The following RABGAP1L variants were observed in gnomAD, a reference collection of about 807,000 sequenced individuals.
RABGAP1L encodes the protein RAB GTPase activating protein 1 like, also known as rab GTPase-activating protein 1-like.
A neutral mutation model predicts 137.7 loss-of-function variants in RABGAP1L; 63 were observed. The ratio of observed to expected loss-of-function variants is 0.46; its 90% CI spans 0.37 to 0.56. The LOEUF is 0.56. Among genes scored for constraint, RABGAP1L ranks in the 20% least tolerant of loss-of-function variants. The pLI is 0.00. For missense variants in RABGAP1L, 1,095 were observed against 1,244.0 expected (o/e 0.88, Z 1.80); for synonymous variants, 431 against 433.7 (o/e 0.99, Z 0.08).
intron 19 of RABGAP1L, among the ~76,000 whole-genome samples, chr1:174,887,713 ACAAAGGAAAT>A (rs1655405947): frequency 6.6e-6 from 1 of 152,118 alleles, no homozygotes; most frequent in Admixed American, 6.6e-5. Context: ...AGATAAGACT[ACAAAGGAAAT>A]CAATTGTATT....
intron 19 of RABGAP1L, among the ~76,000 whole-genome samples, chr1:174,944,115 A>G (rs1350292950): frequency 6.6e-6 from 1 of 151,816 alleles, no homozygotes; most frequent in Non-Finnish European, 1.5e-5. Flanking sequence ...TACTAAAAGT[A>G]TAAAAAAATT....
rs148901840 is a variant in RABGAP1L, at chr1:174,937,619, A to AATATATATATATATATATATAT, written c.2341-19822_2341-19821insATATATATATATATATATATAT. Among the ~76,000 whole-genome samples the AATATATATATATATATATATAT allele has an allele frequency of 2.8e-3, 308 of 109,586 alleles. 20 individuals are homozygous for AATATATATATATATATATATAT. Among genetic ancestry groups the AATATATATATATATATATATAT allele is most frequent in the African/African-American group, 0.013 (267 of 19,860 alleles). 71.9% of individuals were successfully genotyped at this position (109,586 alleles called of 152,430 possible). A position where few individuals can be genotyped will look rare whatever the true frequency, so the allele number is the denominator to read the frequency against. Reference sequence around the variant, plus strand: ...ATTTTTAAATAGCAATACTTCATTAAATATATATATATATATCTTGCAGTT... The same window carrying AATATATATATATATATATATAT: ...ATTTTTAAATAGCAATACTTCATTAAATATATATATATATATATATATATATATATATATATATCTTGCAGTT... On this transcript the variant is annotated intron_variant, in intron 19 of 25. Transcript: ENST00000681986.
intron 10 of RABGAP1L, among the ~76,000 whole-genome samples, chr1:174,298,480 C>T (rs1254302161): frequency 6.6e-6 from 1 of 152,222 alleles, no homozygotes; most frequent in Non-Finnish European, 1.5e-5. Flanking sequence ...CAGCCACACT[C>T]ACCTGCGCTG....
At chr1:174,785,432 T>C (rs1687382977) in intron 18 of RABGAP1L, among the ~76,000 whole-genome samples, 1 of 152,240 alleles carries the variant, frequency 6.6e-6, no homozygotes, top group African/African-American at 2.4e-5. Context: ...AGCTACTGTT[T>C]CAGTAAAATA....
chr1:174,636,433 C>T (rs550300763), intron 13 of RABGAP1L, among the ~76,000 whole-genome samples: 22 of 151,512 alleles, frequency 1.5e-4, no homozygotes, highest in Admixed American at 9.2e-4. Flanking sequence ...GAGGCTGAGG[C>T]AGGAGAATCG....
chr1:174,534,580 T>G (rs1052386922), intron 13 of RABGAP1L, among the ~76,000 whole-genome samples: 29 of 151,792 alleles, frequency 1.9e-4, no homozygotes, highest in African/African-American at 6.8e-4. Flanking sequence ...AGTTCGAGAC[T>G]GGCCTGGCCA....
chr1:174,978,706 C>T (rs1670849830), intron 22 of RABGAP1L, 101 bp from the exon 23 acceptor site: 2 of 1,249,838 alleles, frequency 1.6e-6, no homozygotes, highest in Non-Finnish European at 2.1e-6. Context: ...AACATTGTTA[C>T]CATTGTTACT....
intron 13 of RABGAP1L, among the ~76,000 whole-genome samples, chr1:174,523,460 G>A (rs1663601968): frequency 6.6e-6 from 1 of 152,128 alleles, no homozygotes; most frequent in Admixed American, 6.6e-5. Flanking sequence ...CTGGGGAGAT[G>A]ATAGAAAATG....
chr1:174,178,730 G>A (rs1666100792), intron 1 of RABGAP1L, among the ~76,000 whole-genome samples: 1 of 152,134 alleles, frequency 6.6e-6, no homozygotes, highest in African/African-American at 2.4e-5. Context: ...ACTAACAAAG[G>A]AACAGAAAAC....
intron 19 of RABGAP1L, among the ~76,000 whole-genome samples, chr1:174,898,177 C>T (rs1657557152): frequency 6.6e-6 from 1 of 152,170 alleles, no homozygotes; most frequent in East Asian, 1.9e-4. Flanking sequence ...ATCTTAATAG[C>T]ACTAATACAG....
At position 174,327,994 on chromosome 1, in the gene RABGAP1L, T is replaced by TATATATATATATACAC. The variant is rs1558136308; in HGVS notation, c.1465+22880_1465+22881insCACATATATATATATA. On this transcript the variant is annotated intron_variant, in intron 11 of 25. Coordinates refer to ENST00000681986, the MANE Select transcript of RABGAP1L (RefSeq NM_001366446.1). ...ATATATATATACACACACATATATATATATATATATATATATATATATATA... is the reference window on the plus strand; with the variant it reads ...ATATATATATACACACACATATATATATATATATATATACACATATATATATATATATATATATATA... 1.2e-4 allele frequency among the ~76,000 whole-genome samples: 9 copies of TATATATATATATACAC among 77,394 alleles called. No homozygotes were observed. The East Asian group carries it at 1.4e-3, about 12-fold the overall frequency. 50.8% of individuals were successfully genotyped at this position (77,394 alleles called of 152,430 possible). A position where few individuals can be genotyped will look rare whatever the true frequency, so the allele number is the denominator to read the frequency against.
chr1:174,198,520 T>G (rs2148377518), intron 1 of RABGAP1L, among the ~76,000 whole-genome samples: 1 of 152,302 alleles, frequency 6.6e-6, no homozygotes, highest in South Asian at 2.1e-4. Context: ...TGAGTTAGTA[T>G]TTAGATTTAT....
Position 174,419,938 on chromosome 1 carries a change from A to G in RABGAP1L, c.1710+25793A>G, listed in dbSNP as rs1403281087. Among the ~76,000 whole-genome samples the G allele has an allele frequency of 2.0e-5, 3 of 152,224 alleles. No homozygotes were observed. In the East Asian group the frequency reaches 5.8e-4, roughly 29 times the overall value. ...TTTTCACATGTATAGAGGCATTTAAATTTTCCATTTGAGCCCAAGAAACAA... is the reference window on the plus strand; with the variant it reads ...TTTTCACATGTATAGAGGCATTTAAGTTTTCCATTTGAGCCCAAGAAACAA... On this transcript the variant is annotated intron_variant, in intron 13 of 25. Transcript: ENST00000681986.
chr1:174,204,338 T>A (rs999914168), intron 1 of RABGAP1L, among the ~76,000 whole-genome samples: 1 of 152,196 alleles, frequency 6.6e-6, no homozygotes, highest in Non-Finnish European at 1.5e-5. Flanking sequence ...TTTCTAGATA[T>A]AGAGTCGTGT....
Position 174,210,124 on chromosome 1 carries a change from A to G in RABGAP1L, c.-33-9001A>G, listed in dbSNP as rs140382532. Reference sequence around the variant, plus strand: ...TTTGAATGCTAGGAAAGCCTTCCCAAGAAGATGGGTACAAACAAGCCCAGA... The same window carrying G: ...TTTGAATGCTAGGAAAGCCTTCCCAGGAAGATGGGTACAAACAAGCCCAGA... On this transcript the variant is annotated intron_variant, in intron 1 of 25. Coordinates refer to ENST00000681986, the MANE Select transcript of RABGAP1L (RefSeq NM_001366446.1). Among the ~76,000 whole-genome samples the G allele has an allele frequency of 5.5e-3, 836 of 152,264 alleles. 14 individuals carry two copies. Among genetic ancestry groups the G allele is most frequent in the African/African-American group, 0.019 (803 of 41,556 alleles).
At chr1:174,484,095 A>C (rs1170689177) in intron 13 of RABGAP1L, among the ~76,000 whole-genome samples, 1 of 152,122 alleles carries the variant, frequency 6.6e-6, no homozygotes, top group Non-Finnish European at 1.5e-5. Flanking sequence ...GATAAAAGCC[A>C]TTTTAACTGG....
chr1:174,825,857 C>T (rs1018225333), intron 19 of RABGAP1L, among the ~76,000 whole-genome samples: 2 of 152,208 alleles, frequency 1.3e-5, no homozygotes, highest in African/African-American at 4.8e-5. Context: ...TGCCGCTGCT[C>T]TCCAGCCTGG....
At position 174,937,538 on chromosome 1, in the gene RABGAP1L, G is replaced by A. The variant is rs111625799; in HGVS notation, c.2341-19919G>A. Among the ~76,000 whole-genome samples, 7 of 145,844 alleles carry A rather than the reference G, an allele frequency of 4.8e-5. No individual in the cohort carries two copies. In the East Asian group the frequency reaches 1.0e-3, roughly 21 times the overall value. ...TAACCTCAGGCGATCCACCTGCCTC[G>A]GCCTCCCAAAGTGCTGGGATTACAG... On this transcript the variant is annotated intron_variant, in intron 19 of 25. Transcript: ENST00000681986.
chr1:174,774,041 G>T (rs1573125527), intron 18 of RABGAP1L, among the ~76,000 whole-genome samples: 1 of 152,132 alleles, frequency 6.6e-6, no homozygotes, highest in East Asian at 1.9e-4. Context: ...GGAATCAATT[G>T]ATCTTATCAG....
Sources: allele counts gnomAD v4.1 joint callset (sites outside exome capture counted in the v4.1 genomes callset), GRCh38; gene constraint gnomAD v4.1.1; transcripts MANE v1.5; gene names NCBI Gene and HGNC (gene_info 2026-07-23, HGNC 2026-07-21).